Variants in TRPA1 observed in about 807,000 individuals in gnomAD.
TRPA1 encodes the protein ankyrin-like with transmembrane domains 1.
In TRPA1, 129 loss-of-function variants were observed where a neutral mutation model predicts 131.3. The ratio of observed to expected loss-of-function variants is 0.98; its 90% confidence interval spans 0.85 to 1.14. TRPA1 has a LOEUF of 1.14. Among genes scored for constraint, TRPA1 ranks in the 50% most tolerant of loss-of-function variants. TRPA1 has a pLI of 0.00. For synonymous variants in TRPA1, 441 were observed against 451.7 expected (o/e 0.98, Z 0.30); for missense variants, 1,304 against 1,354.2 (o/e 0.96, Z 0.58).
chr8:72,088,281 A>C, the TRPA1 span, among the ~76,000 whole-genome samples: 33 of 147,584 alleles, frequency 2.2e-4, no homozygotes, highest in African/African-American at 8.0e-4. Flanking sequence ...TCTACTGTCT[A>C]TCTTTCCAGA....
chr8:72,053,081 A>G, intron 13 of TRPA1: 1 of 341,788 alleles, frequency 2.9e-6, no homozygotes, highest in Non-Finnish European at 5.6e-6. Context: ...TTGCTTTTGC[A>G]ATGGGATGAT....
rs1805586974 is a variant in TRPA1, at chr8:72,053,737, G to C, written c.1644+16C>G. On this transcript the variant is annotated intron_variant, in intron 13 of 26. Transcript: ENST00000262209. ...ATATTGAGATTTTGGGTAAGCATGA[G>C]GACCGCAGTACATACCCCGTCTTCA... is the stretch of plus-strand genomic sequence containing the variant. 1.9e-6 allele frequency: 3 copies of C among 1,582,238 alleles called. No individual in the cohort carries two copies. Among genetic ancestry groups the C allele is most frequent in the African/African-American group, 2.7e-5 (2 of 74,248 alleles).
At chr8:72,069,586 C>A (rs1352501476) in intron 2 of TRPA1, among the ~76,000 whole-genome samples, 1 of 152,060 alleles carries the variant, frequency 6.6e-6, no homozygotes, top group East Asian at 1.9e-4. Flanking sequence ...CCTCCAATAG[C>A]CTGCAAAGTA....
chr8:72,059,267 T>C (rs12541199), intron 8 of TRPA1, 123 bp downstream of exon 8: 245,700 of 666,802 alleles, frequency 0.37, 47,590 homozygotes, highest in Admixed American at 0.56. Context: ...TCATTTTGTA[T>C]ACTTTTTGCT....
the TRPA1 span, among the ~76,000 whole-genome samples, chr8:72,082,606 C>T: frequency 3.9e-5 from 6 of 151,960 alleles, no homozygotes; most frequent in African/African-American, 1.4e-4. Flanking sequence ...GTTTGATACA[C>T]ATTTCTTTCA....
At chr8:72,029,218 TG>T in intron 24 of TRPA1, among the ~76,000 whole-genome samples, 1 of 152,308 alleles carries the variant, frequency 6.6e-6, no homozygotes, top group East Asian at 1.9e-4. Context: ...AATCATGCTG[TG>T]GGGACCCTGT....
chr8:72,081,210 A>T, the TRPA1 span, among the ~76,000 whole-genome samples: 1 of 151,782 alleles, frequency 6.6e-6, no homozygotes, highest in Non-Finnish European at 1.5e-5. Flanking sequence ...ATAAATTTTG[A>T]TTTGGCGTGT....
At position 72,025,993 on chromosome 8, in the gene TRPA1, A is replaced by T; in HGVS notation, c.3018T>A (p.Tyr1006Ter). The T allele has an allele frequency of 6.2e-7, 1 of 1,613,962 alleles. No individual in the cohort carries two copies. The highest frequency in any genetic ancestry group is 8.5e-7 in the Non-Finnish European group (1 of 1,179,912). The stretch of plus-strand genomic sequence containing the variant: ...TCCCACCAGATCTGGGTTTGTTGGG[A>T]TACACGATGGTGGATTTCTGATCCA... ...RKVDQKSTIV[Y>*]PNKPRSGGML... The change falls in exon 25 of 27, where the codon TAT becomes TAA. Residue 1006 changes from tyrosine to a stop codon, truncating the protein, a stop_gained. Transcript: ENST00000262209. LOFTEE classifies it high-confidence loss of function.
chr8:72,045,166 C>T (rs983954650), intron 17 of TRPA1, among the ~76,000 whole-genome samples: 4 of 151,846 alleles, frequency 2.6e-5, no homozygotes, highest in Admixed American at 2.0e-4. Context: ...AGAGCTAAAG[C>T]GCTTACAGCA....
intron 18 of TRPA1, among the ~76,000 whole-genome samples, chr8:72,039,522 CT>C (rs1812174549): frequency 1.3e-5 from 2 of 152,046 alleles, no homozygotes; most frequent in African/African-American, 4.8e-5. Flanking sequence ...ACCTTAACTT[CT>C]TTTTATTTGG....
intron 9 of TRPA1, 29 bp downstream of exon 9, chr8:72,057,688 A>G (rs1805704915): frequency 1.3e-6 from 2 of 1,566,546 alleles, no homozygotes; most frequent in Admixed American, 3.3e-5. Flanking sequence ...GTGGCACTTC[A>G]AAAGACTTGG....
At position 72,046,470 on chromosome 8, in the gene TRPA1, GA is replaced by G. The variant is rs202019635; in HGVS notation, c.2061+42del. On this transcript the variant is annotated intron_variant, in intron 17 of 26. Coordinates refer to ENST00000262209, the MANE Select transcript of TRPA1 (RefSeq NM_007332.3). Reference sequence around the variant, plus strand: ...TTAAAGTATAATAAAAAAAAAAAAAGAAAAAAAAGAAACTATTTAGATAATG... The same window carrying G: ...TTAAAGTATAATAAAAAAAAAAAAAGAAAAAAAGAAACTATTTAGATAATG... 6.3e-4 allele frequency: 650 copies of G among 1,034,988 alleles called. 1 individual carries two copies. The African/African-American group carries it at 8.8e-3, about 14-fold the overall frequency. The allele number at this position is 1,034,988 out of a possible 1,614,324, so 64.1% of individuals were successfully genotyped here.
chr8:72,061,150 A>G (rs191572036), intron 7 of TRPA1, among the ~76,000 whole-genome samples: 1 of 152,272 alleles, frequency 6.6e-6, no homozygotes, highest in Admixed American at 6.5e-5. Context: ...TTGTTTTTGG[A>G]AACTTGGTTA....
chr8:72,060,534 T>A (rs1805782788), intron 7 of TRPA1: 1 of 152,182 alleles, frequency 6.6e-6, no homozygotes, highest in South Asian at 2.1e-4. Context: ...CCTGGATTCA[T>A]ATACGACAAT....
In TRPA1 at chr8:72,037,967, A is replaced by C. The variant is rs1271604149; in HGVS notation, c.2385+16T>G. On this transcript the variant is annotated intron_variant, in intron 20 of 26. Transcript: ENST00000262209. ...AAAATATGTGCAACTTTAGAGATAC[A>C]AAATGTATTACATACCTGTTGGAAA... is the stretch of plus-strand genomic sequence containing the variant. The C allele has an allele frequency of 6.7e-7, 1 of 1,493,028 alleles. No individual in the cohort carries two copies. The highest frequency in any genetic ancestry group is 9.3e-7 in the Non-Finnish European group (1 of 1,071,986). 92.5% of individuals were successfully genotyped at this position (1,493,028 alleles called of 1,614,324 possible). A position where few individuals can be genotyped will look rare whatever the true frequency, so the allele number is the denominator to read the frequency against.
chr8:72,053,645 T>G (rs907602118), intron 13 of TRPA1, 108 bp downstream of exon 13: 9 of 811,768 alleles, frequency 1.1e-5, no homozygotes, highest in South Asian at 8.7e-5. Context: ...AACAAAAGGC[T>G]GGGAATAGAG....
chr8:72,045,483 T>C (rs1330252024), intron 17 of TRPA1, among the ~76,000 whole-genome samples: 1 of 150,942 alleles, frequency 6.6e-6, no homozygotes, highest in Non-Finnish European at 1.5e-5. Flanking sequence ...GTGGCTAGTG[T>C]TACTGGAAAA....
In TRPA1 at chr8:72,038,026, C is replaced by A. The variant is rs1159780282; in HGVS notation, c.2342G>T (p.Ser781Ile). ...CGCTTCTTTGCAATACCCAAATATA[C>A]TTGATAAAAACACTAAAATCATACA... Reference protein sequence around the residue: ...KTCMILVFLSSIFGYCKEAGQ... With the variant: ...KTCMILVFLSIIFGYCKEAGQ... Residue 781 changes from serine (S) to isoleucine (I), a missense_variant, in exon 20 of 27, where the codon AGT becomes ATT. Coordinates refer to ENST00000262209, the MANE Select transcript of TRPA1 (RefSeq NM_007332.3). 6 of 1,602,240 alleles carry A rather than the reference C, an allele frequency of 3.7e-6. No homozygotes were observed. The East Asian group carries it at 1.3e-4, about 36-fold the overall frequency.
At chr8:72,076,805 C>A (rs894991495), upstream of TRPA1, among the ~76,000 whole-genome samples, 1 of 152,204 alleles carries the variant, frequency 6.6e-6, no homozygotes, top group Non-Finnish European at 1.5e-5. Context: ...TTGAACTTAA[C>A]CACATCATGA....
Sources: allele counts gnomAD v4.1 joint callset (sites outside exome capture counted in the v4.1 genomes callset), GRCh38; gene constraint gnomAD v4.1.1; transcripts MANE v1.5; gene names NCBI Gene and HGNC (gene_info 2026-07-23, HGNC 2026-07-21).